FGF13: variants seen among roughly 807,000 people sequenced by gnomAD.
The protein encoded by FGF13 is fibroblast growth factor homologous factor 2.
Under a neutral mutation model 19.5 loss-of-function variants are expected in FGF13, and 2 were observed. The observed-to-expected ratio is 0.10, with a 90% CI of 0.04 to 0.32. The LOEUF (loss-of-function observed/expected upper bound fraction) is 0.32, where lower values mean the gene tolerates loss of function less well. Among genes scored for constraint, FGF13 ranks in the 10% least tolerant of loss-of-function variants. The pLI, the probability that FGF13 is intolerant of heterozygous loss-of-function variation, is 1.00. For missense variants in FGF13, 113 were observed against 192.7 expected, an observed-to-expected ratio of 0.59 and a Z score of 2.45; for synonymous variants, 72 against 76.9, an observed-to-expected ratio of 0.94 and a Z score of 0.33.
At chrX:138,908,219 C>T (rs1418290698) in intron 1 of FGF13, among the ~76,000 whole-genome samples, 1 of 107,214 alleles carries the variant, frequency 9.3e-6, no homozygotes, top group Non-Finnish European at 1.9e-5. Flanking sequence ...AACAGGCACC[C>T]GCCACTGCGC....
intron 1 of FGF13, among the ~76,000 whole-genome samples, chrX:138,949,042 G>T (rs2091796693): frequency 9.0e-6 from 1 of 111,535 alleles, no homozygotes; most frequent in Admixed American, 9.6e-5. Flanking sequence ...GCTGGGCCAG[G>T]ATTACAGCCA....
intron 1 of FGF13, among the ~76,000 whole-genome samples, chrX:138,955,049 A>C (rs1488054549): frequency 1.8e-5 from 2 of 111,578 alleles, no homozygotes; most frequent in Non-Finnish European, 3.8e-5. Flanking sequence ...GCGACTGGAC[A>C]TATAGTATAG....
chrX:138,783,857 C>A (rs1306911313), intron 3 of FGF13, among the ~76,000 whole-genome samples: 1 of 110,567 alleles, frequency 9.0e-6, no homozygotes, highest in Non-Finnish European at 1.9e-5. Context: ...TATAAAGACA[C>A]ATGCACATGT....
chrX:139,177,238 C>CTTTTTTTTTTTTTTTTTTTTTTTTTT (rs35867493), intron 1 of FGF13, among the ~76,000 whole-genome samples: 1 of 49,943 alleles, frequency 2.0e-5, no homozygotes, highest in African/African-American at 1.1e-4. Flanking sequence ...GCAACCCCTG[C>CTTTTTTTTTTTTTTTTTTTTTTTTTT]TTTTTTTTTT....
At chrX:138,918,164 C>CAAAA (rs3077321) in intron 1 of FGF13, among the ~76,000 whole-genome samples, 7,241 of 101,195 alleles carry the variant, frequency 0.072, 229 homozygotes, top group Non-Finnish European at 0.079. Context: ...AAACAGAAGA[C>CAAAA]AAAAAAAAAA....
intron 3 of FGF13, among the ~76,000 whole-genome samples, chrX:138,801,621 G>A (rs1415582862): frequency 2.7e-5 from 3 of 112,003 alleles, no homozygotes; most frequent in Non-Finnish European, 3.8e-5. Context: ...TGTACTGGGA[G>A]ATCTACTGCT....
intron 1 of FGF13, among the ~76,000 whole-genome samples, chrX:138,984,561 A>AAGAAGAAGAAGT (rs1569436114): frequency 2.1e-5 from 1 of 46,961 alleles, no homozygotes; most frequent in African/African-American, 7.8e-5. Flanking sequence ...GAAGAAGAAG[A>AAGAAGAAGAAGT]AGAAGAAGAA....
At chrX:138,769,178 G>C (rs1250271318) in intron 3 of FGF13, among the ~76,000 whole-genome samples, 1 of 111,579 alleles carries the variant, frequency 9.0e-6, no homozygotes, top group African/African-American at 3.3e-5. Flanking sequence ...ATTGAGGTTA[G>C]GATTGTTTTC....
rs780511260 is a variant in FGF13, at chrX:138,834,575, T to C, written c.217+22937A>G. Among the ~76,000 whole-genome samples, 4 of 108,015 alleles carry C rather than the reference T, an allele frequency of 3.7e-5. No homozygotes were observed. The South Asian group carries it at 1.5e-3, about 42-fold the overall frequency. 93.8% of individuals were successfully genotyped at this position (108,015 alleles called of 115,157 possible). A position where few individuals can be genotyped will look rare whatever the true frequency, so the allele number is the denominator to read the frequency against. ...AGTCTAACTAGCAGTCTATTTTATT[T>C]ACTTATTTTTTTTCAAAAAAAAAAC... On this transcript the variant is annotated intron_variant, in intron 3 of 6. Transcript: ENST00000436198.
chrX:138,803,281 T>G (rs1459474397), intron 3 of FGF13, among the ~76,000 whole-genome samples: 1 of 112,328 alleles, frequency 8.9e-6, no homozygotes, highest in Admixed American at 9.4e-5. Flanking sequence ...TTGCTACTGC[T>G]GAAAGCACGT....
rs763280843 is a variant in FGF13, at chrX:139,003,244, T to C, written c.-112-138594A>G. Among the ~76,000 whole-genome samples, 54 of 110,418 alleles carry C rather than the reference T, an allele frequency of 4.9e-4. No individual in the cohort carries two copies. The South Asian group carries it at 0.012, about 24-fold the overall frequency. On this transcript the variant is annotated intron_variant, in intron 1 of 2. Coordinates refer to the FGF13 transcript ENST00000421460. Reference sequence around the variant, plus strand: ...AAGCTGCAGACCTTCGCGGTGAGTGTTACAGCTCTTAAGGCAGCGCGTCTG... The same window carrying C: ...AAGCTGCAGACCTTCGCGGTGAGTGCTACAGCTCTTAAGGCAGCGCGTCTG...
chrX:138,857,509 A>G, downstream of FGF13: 1 of 1,186,709 alleles, frequency 8.4e-7, no homozygotes, highest in Non-Finnish European at 1.1e-6. Context: ...GTCGTGCACA[A>G]ACCTTCCGGC....
At chrX:138,913,834 T>C (rs1274115737) in intron 1 of FGF13, among the ~76,000 whole-genome samples, 1 of 110,494 alleles carries the variant, frequency 9.1e-6, no homozygotes, top group East Asian at 2.9e-4. Flanking sequence ...GGTGCAAAGA[T>C]AAGACTCCAG....
At chrX:139,094,051 G>A (rs2083455174) in intron 1 of FGF13, among the ~76,000 whole-genome samples, 1 of 111,846 alleles carries the variant, frequency 8.9e-6, no homozygotes, top group Non-Finnish European at 1.9e-5. Context: ...AAATGTGAAT[G>A]AAGAAAAGAC....
chrX:138,711,084 C>A lies in FGF13; in HGVS notation c.-81G>T. On this transcript the variant is annotated 5_prime_UTR_variant, in exon 1 of 5. Coordinates refer to ENST00000315930, the MANE Select transcript of FGF13 (RefSeq NM_004114.5). The stretch of plus-strand genomic sequence containing the variant: ...CTCCTCCTTCTCCTCCGCTGCTTGT[C>A]CGCTGTCTCGCGACTTCGCCGCTTT... The A allele has an allele frequency of 1.7e-6, 2 of 1,171,695 alleles. No homozygotes were observed. Among genetic ancestry groups the A allele is most frequent in the Admixed American group, 4.7e-5 (2 of 42,202 alleles).
At chrX:138,855,380 GA>G (rs1705849816), downstream of FGF13, among the ~76,000 whole-genome samples, 2 of 112,112 alleles carry the variant, frequency 1.8e-5, no homozygotes, top group Admixed American at 9.5e-5. Flanking sequence ...GATCTTGTTT[GA>G]GGGGGTACAG....
chrX:139,055,180 T>C (rs1182531652), intron 1 of FGF13, among the ~76,000 whole-genome samples: 1 of 111,411 alleles, frequency 9.0e-6, no homozygotes, highest in Non-Finnish European at 1.9e-5. Context: ...TTTCTTTCTC[T>C]TGTCTGATTG....
chrX:138,748,703 CTATA>C (rs779940965), intron 3 of FGF13, among the ~76,000 whole-genome samples: 1 of 111,477 alleles, frequency 9.0e-6, no homozygotes, highest in South Asian at 3.9e-4. Context: ...ACTTACAAAA[CTATA>C]TAATGCTTGG....
intron 1 of FGF13, among the ~76,000 whole-genome samples, chrX:138,954,446 C>T (rs1376428085): frequency 9.0e-6 from 1 of 111,304 alleles, no homozygotes; most frequent in Non-Finnish European, 1.9e-5. Context: ...AGTTGTGTGG[C>T]CTTAGGTAAG....
Sources: allele counts gnomAD v4.1 joint callset (sites outside exome capture counted in the v4.1 genomes callset), GRCh38; gene constraint gnomAD v4.1.1; transcripts MANE v1.5; gene names NCBI Gene and HGNC (gene_info 2026-07-23, HGNC 2026-07-21).